Variants in SUGCT observed in about 807,000 individuals in gnomAD.
SUGCT encodes succinyl-CoA:glutarate-CoA transferase.
In SUGCT, 41 loss-of-function variants were observed where a neutral mutation model predicts 55.0. The observed-to-expected ratio is 0.74, with a 90% confidence interval of 0.58 to 0.97. The LOEUF (loss-of-function observed/expected upper bound fraction) is 0.97, where lower values mean the gene tolerates loss of function less well. Ranked by LOEUF, SUGCT falls within the 50% of genes least tolerant of loss-of-function variation. The probability of loss-of-function intolerance (pLI) is 0.00; values close to 1 mark genes in which losing one functional copy is unlikely to be tolerated. For missense variants in SUGCT, 568 were observed against 547.8 expected (o/e 1.04, Z -0.37); for synonymous variants, 187 against 200.4 (o/e 0.93, Z 0.56).
At chr7:40,424,600 T>C (rs1055993609) in intron 9 of SUGCT, among the ~76,000 whole-genome samples, 1 of 152,180 alleles carries the variant, frequency 6.6e-6, no homozygotes, top group African/African-American at 2.4e-5. Flanking sequence ...CTATAATAAT[T>C]CGTAGCCGAT....
intron 12 of SUGCT, among the ~76,000 whole-genome samples, chr7:40,560,876 G>A (rs961145272): frequency 1.3e-5 from 2 of 152,222 alleles, no homozygotes; most frequent in African/African-American, 2.4e-5. Context: ...CTGATTTTAC[G>A]AAAAATCTGT....
intron 13 of SUGCT, among the ~76,000 whole-genome samples, chr7:40,834,231 G>C (rs1009391033): frequency 3.3e-5 from 5 of 150,848 alleles, no homozygotes; most frequent in African/African-American, 1.2e-4. Context: ...TGAATGGTTG[G>C]GTCCAAACTG....
chr7:40,908,382 C>CAAAAAAAAAAAAAAA, the SUGCT span, among the ~76,000 whole-genome samples: 1 of 82,628 alleles, frequency 1.2e-5, no homozygotes. Context: ...GACTCTGTCT[C>CAAAAAAAAAAAAAAA]AAAAAAAAAA....
intron 12 of SUGCT, among the ~76,000 whole-genome samples, chr7:40,575,559 G>C (rs910494791): frequency 6.6e-6 from 1 of 151,422 alleles, no homozygotes; most frequent in South Asian, 2.1e-4. Context: ...AATCTCAGAA[G>C]TCCTATTGGT....
At chr7:40,185,586 G>A (rs1295992731) in intron 3 of SUGCT, among the ~76,000 whole-genome samples, 1 of 151,954 alleles carries the variant, frequency 6.6e-6, no homozygotes, top group African/African-American at 2.4e-5. Flanking sequence ...GCAATGGCAC[G>A]ATCTCGGCTC....
chr7:40,317,490 A>G (rs931900474), intron 9 of SUGCT, among the ~76,000 whole-genome samples: 3 of 152,220 alleles, frequency 2.0e-5, no homozygotes, highest in African/African-American at 7.2e-5. Flanking sequence ...ATGTTGTTGT[A>G]TTTATTAATG....
At chr7:40,864,891 C>G (rs1794553270), downstream of SUGCT, among the ~76,000 whole-genome samples, 1 of 152,104 alleles carries the variant, frequency 6.6e-6, no homozygotes, top group Non-Finnish European at 1.5e-5. Context: ...AATTTACTCA[C>G]CTCGATTTTT....
the SUGCT span, among the ~76,000 whole-genome samples, chr7:40,974,274 TC>T: frequency 6.6e-6 from 1 of 152,250 alleles, no homozygotes; most frequent in Middle Eastern, 3.4e-3. Flanking sequence ...ATGTTTATGT[TC>T]CCCCAAATTC....
At chr7:40,873,394 G>A in the SUGCT span, among the ~76,000 whole-genome samples, 2 of 152,156 alleles carry the variant, frequency 1.3e-5, no homozygotes, top group African/African-American at 2.4e-5. Context: ...TAGAAGATAC[G>A]CAATGGGAAG....
chr7:40,961,675 C>T, the SUGCT span, among the ~76,000 whole-genome samples: 1 of 152,160 alleles, frequency 6.6e-6, no homozygotes, highest in African/African-American at 2.4e-5. Context: ...TGTCACAGTT[C>T]TTAAAGATGG....
At chr7:40,530,968 A>G (rs1160207314) in intron 12 of SUGCT, among the ~76,000 whole-genome samples, 1 of 152,212 alleles carries the variant, frequency 6.6e-6, no homozygotes, top group Non-Finnish European at 1.5e-5. Context: ...AATAATAAAC[A>G]AGTAAATATA....
In SUGCT at chr7:40,258,057, A is replaced by G. The variant is rs943669634; in HGVS notation, c.577-16456A>G. Among the ~76,000 whole-genome samples the G allele has an allele frequency of 2.0e-5, 3 of 152,152 alleles. No homozygotes were observed. The South Asian group carries it at 6.2e-4, about 32-fold the overall frequency. On this transcript the variant is annotated intron_variant, in intron 7 of 13. Transcript: ENST00000335693. ...TTGCTGTCTACCTTGACATCTAGTC[A>G]TGGTTCTATAACCTATGCCAACATC...
chr7:41,022,634 G>C, the SUGCT span, among the ~76,000 whole-genome samples: 1 of 152,102 alleles, frequency 6.6e-6, no homozygotes, highest in Non-Finnish European at 1.5e-5. Context: ...TGCTAGAAAA[G>C]AGCACAATGG....
the SUGCT span, among the ~76,000 whole-genome samples, chr7:40,901,607 C>A: frequency 3.3e-5 from 5 of 152,262 alleles, no homozygotes; most frequent in Admixed American, 1.3e-4. Flanking sequence ...AACAGAGGAT[C>A]ACAGAGCACT....
chr7:40,193,203 G>C (rs979038961), intron 5 of SUGCT, among the ~76,000 whole-genome samples: 4 of 150,818 alleles, frequency 2.7e-5, no homozygotes, highest in Non-Finnish European at 5.9e-5. Flanking sequence ...CTGACCTCAA[G>C]TGATCTATCC....
chr7:40,764,921 T>C (rs1223785968), intron 13 of SUGCT, among the ~76,000 whole-genome samples: 1 of 152,180 alleles, frequency 6.6e-6, no homozygotes, highest in Non-Finnish European at 1.5e-5. Context: ...GAGGCTCCTC[T>C]TTCTCTAGTA....
At chr7:40,474,943 T>C (rs1790583352) in intron 11 of SUGCT, among the ~76,000 whole-genome samples, 1 of 152,150 alleles carries the variant, frequency 6.6e-6, no homozygotes, top group Admixed American at 6.5e-5. Context: ...TACTGCATAT[T>C]GTAGGGGTCT....
At chr7:40,791,782 C>T (rs1238283584) in intron 13 of SUGCT, among the ~76,000 whole-genome samples, 1 of 152,126 alleles carries the variant, frequency 6.6e-6, no homozygotes, top group East Asian at 1.9e-4. Context: ...CAAAAATGTA[C>T]TGAAGCTGTC....
intron 9 of SUGCT, among the ~76,000 whole-genome samples, chr7:40,333,695 AT>A (rs1562689465): frequency 4.5e-5 from 6 of 132,462 alleles, no homozygotes; most frequent in South Asian, 4.7e-4. Context: ...ATATATATAT[AT>A]ATATATAAAT....
Sources: gnomAD v4.1 joint callset for allele counts (sites outside exome capture counted in the v4.1 genomes callset) on GRCh38, gnomAD v4.1.1 for gene constraint, MANE v1.5 for transcripts, NCBI Gene and HGNC (gene_info 2026-07-23, HGNC 2026-07-21) for gene names.